SPANXN1: variants seen among roughly 807,000 people sequenced by gnomAD.
The protein encoded by SPANXN1 is SPANX family member N1.
Under a neutral mutation model 2.0 loss-of-function variants are expected in SPANXN1, and 1 was observed. The ratio of observed to expected loss-of-function variants is 0.50; its 90% confidence interval spans 0.18 to 2.36. SPANXN1 has a LOEUF of 2.36. SPANXN1 is among the 30% of genes most tolerant of loss of function. The probability of loss-of-function intolerance (pLI) is 0.26; values close to 1 mark genes in which losing one functional copy is unlikely to be tolerated. For missense variants in SPANXN1, 55 were observed against 51.8 expected, an observed-to-expected ratio of 1.06 and a Z score of -0.19; for synonymous variants, 27 against 21.3, an observed-to-expected ratio of 1.27 and a Z score of -0.74.
At chrX:145,251,525 G>A (rs1200298584) in intron 1 of SPANXN1, among the ~76,000 whole-genome samples, 3 of 111,669 alleles carry the variant, frequency 2.7e-5, no homozygotes, top group Non-Finnish European at 5.6e-5. Context: ...GTTGTTTTGA[G>A]AGATGTGCAA....
rs370324174 is a variant in SPANXN1, at chrX:145,255,685, A to G, written c.90A>G (p.Pro30=). 4.1e-5 allele frequency: 50 copies of G among 1,210,371 alleles called. No homozygotes were observed. The highest frequency in any genetic ancestry group is 1.9e-4 in the South Asian group (11 of 56,844). ...TTTCTTAACAGATGCAGGAGACACCAAACAGGGACTTAGCCCCCGAACCGA... is the reference window on the plus strand; with the variant it reads ...TTTCTTAACAGATGCAGGAGACACCGAACAGGGACTTAGCCCCCGAACCGA... ...NNENDEMQET[P]NRDLAPEPSL... is the part of the protein sequence containing the mutation. The change falls in exon 2 of 2, where the codon CCA becomes CCG. Residue 30 remains proline (P), a synonymous_variant. Transcript: ENST00000370493.
chrX:145,249,154 T>C (rs1325706722), intron 1 of SPANXN1, among the ~76,000 whole-genome samples: 2 of 110,775 alleles, frequency 1.8e-5, no homozygotes, highest in East Asian at 2.8e-4. Flanking sequence ...CGACCAGGTT[T>C]ATGTGGCCAG....
intron 1 of SPANXN1, among the ~76,000 whole-genome samples, chrX:145,255,226 A>C (rs1193671699): frequency 6.3e-5 from 7 of 111,827 alleles, no homozygotes; most frequent in Non-Finnish European, 7.5e-5. Context: ...GCTTGCTGCC[A>C]GGCAGGATAT....
rs1389336412 is a variant in SPANXN1 at position 145,256,189 on chromosome X, G to C, written c.*375G>C. 1.1e-5 allele frequency: 4 copies of C among 350,212 alleles called. No homozygotes were observed. Among genetic ancestry groups the C allele is most frequent in the Non-Finnish European group, 2.0e-5 (4 of 198,242 alleles). The allele number at this position is 350,212 out of a possible 1,213,427, so 28.9% of individuals were successfully genotyped here. On this transcript the variant is annotated 3_prime_UTR_variant, in exon 2 of 2. Transcript: ENST00000370493. ...CAGAAATTCTCCAAGGAAGGAGCCA[G>C]ATAAATAAATATTCTGATTTCATTT...
chrX:145,249,186 C>T (rs1190137789), intron 1 of SPANXN1, among the ~76,000 whole-genome samples: 5 of 109,806 alleles, frequency 4.6e-5, no homozygotes, highest in Non-Finnish European at 9.5e-5. Flanking sequence ...GGGATGTGAA[C>T]TGCTGGATTT....
Position 145,255,753 on chromosome X carries a change from C to T in SPANXN1, c.158C>T (p.Ala53Val), listed in dbSNP as rs781875481. Residue 53 changes from alanine to valine, a missense_variant, in exon 2 of 2, where the codon GCG becomes GTG. Transcript: ENST00000370493. ...ACGTCAGAATATTCAACAGTATTAG[C>T]GTTTTGCTACAGGAAAGCTAAGAAA... Reference protein sequence around the residue: ...MKTSEYSTVLAFCYRKAKKIH... With the variant: ...MKTSEYSTVLVFCYRKAKKIH... The T allele has an allele frequency of 2.7e-5, 33 of 1,210,639 alleles. No individual in the cohort carries two copies. The highest frequency in any genetic ancestry group is 5.2e-5 in the African/African-American group (3 of 57,314).
intron 1 of SPANXN1, among the ~76,000 whole-genome samples, chrX:145,253,467 G>T (rs1383825789): frequency 2.7e-5 from 3 of 110,932 alleles, no homozygotes; most frequent in African/African-American, 9.9e-5. Flanking sequence ...GGGGCTGACT[G>T]GGAGATAAAG....
At position 145,247,517 on chromosome X, in the gene SPANXN1, C is replaced by T; in HGVS notation, c.-70C>T. 4.6e-6 allele frequency: 5 copies of T among 1,087,320 alleles called. No individual in the cohort carries two copies. Among genetic ancestry groups the T allele is most frequent in the Non-Finnish European group, 6.4e-6 (5 of 783,901 alleles). The allele number at this position is 1,087,320 out of a possible 1,213,427, so 89.6% of individuals were successfully genotyped here. ...AGCTCTGGGACATCCTCCTGGGAAG[C>T]TTCAATACAGCTGTGCAAGTCTGGA... On this transcript the variant is annotated 5_prime_UTR_variant, in exon 1 of 2. Transcript: ENST00000370493.
At chrX:145,252,170 C>G (rs782657678) in intron 1 of SPANXN1, among the ~76,000 whole-genome samples, 190 of 111,522 alleles carry the variant, frequency 1.7e-3, no homozygotes, top group African/African-American at 6.0e-3. Context: ...ATCCTGGAAC[C>G]CCTGTGGGAG....
chrX:145,252,912 T>C (rs141230662), intron 1 of SPANXN1, among the ~76,000 whole-genome samples: 158 of 110,426 alleles, frequency 1.4e-3, no homozygotes, highest in African/African-American at 4.9e-3. Flanking sequence ...ACAATAGAGA[T>C]TGAAAAACGG....
At chrX:145,248,843 G>T (rs1439841526) in intron 1 of SPANXN1, among the ~76,000 whole-genome samples, 4 of 111,783 alleles carry the variant, frequency 3.6e-5, no homozygotes. Context: ...TCCTTACAGG[G>T]CAGAAGGATA....
In SPANXN1 at chrX:145,255,691, G is replaced by C. The variant is rs782341082; in HGVS notation, c.96G>C (p.Arg32Ser). The change falls in exon 2 of 2, where the codon AGG (arginine) becomes AGC (serine). Residue 32 changes from arginine to serine, a missense_variant. Physicochemically the swap from Arg to Ser is moderately radical, Grantham distance 110. Coordinates refer to ENST00000370493, the MANE Select transcript of SPANXN1 (RefSeq NM_001009614.3). ...AACAGATGCAGGAGACACCAAACAG[G>C]GACTTAGCCCCCGAACCGAGTTTGA... is the stretch of plus-strand genomic sequence containing the variant. Reference protein sequence around the residue: ...ENDEMQETPNRDLAPEPSLKK... With the variant: ...ENDEMQETPNSDLAPEPSLKK... 2.5e-6 allele frequency: 3 copies of C among 1,211,654 alleles called. No individual in the cohort carries two copies. Among genetic ancestry groups the C allele is most frequent in the Non-Finnish European group, 3.4e-6 (3 of 895,501 alleles).
At chrX:145,252,452 G>T (rs112375266) in intron 1 of SPANXN1, among the ~76,000 whole-genome samples, 1,918 of 111,013 alleles carry the variant, frequency 0.017, 32 homozygotes, top group African/African-American at 0.059. Context: ...CAGAATAGGG[G>T]TGTTGTGGGG....
At chrX:145,250,702 A>G (rs1344016832) in intron 1 of SPANXN1, among the ~76,000 whole-genome samples, 4 of 111,318 alleles carry the variant, frequency 3.6e-5, no homozygotes, top group Non-Finnish European at 7.5e-5. Context: ...TGCTGGAAAA[A>G]AATGAGCAAT....
chrX:145,253,253 G>A (rs1332041525), intron 1 of SPANXN1, among the ~76,000 whole-genome samples: 8 of 110,897 alleles, frequency 7.2e-5, no homozygotes, highest in African/African-American at 1.6e-4. Flanking sequence ...GTTGACTGTC[G>A]CCAAGTTGAG....
At chrX:145,249,397 C>A (rs2070776012) in intron 1 of SPANXN1, among the ~76,000 whole-genome samples, 1 of 110,701 alleles carries the variant, frequency 9.0e-6, no homozygotes, top group Non-Finnish European at 1.9e-5. Context: ...TAAAGTCATA[C>A]CTCCTGCGTT....
chrX:145,251,832 A>G (rs1382881336), intron 1 of SPANXN1, among the ~76,000 whole-genome samples: 1 of 110,987 alleles, frequency 9.0e-6, no homozygotes, highest in African/African-American at 3.3e-5. Flanking sequence ...TCATGGCCAA[A>G]AGTATCCCAC....
In SPANXN1 at chrX:145,250,771, C is replaced by T. The variant is rs150228969; in HGVS notation, c.75+3110C>T. Among the ~76,000 whole-genome samples, 394 of 111,440 alleles carry T rather than the reference C, an allele frequency of 3.5e-3. 1 individual carries two copies. Among genetic ancestry groups the T allele is most frequent in the African/African-American group, 0.012 (368 of 30,634 alleles). ...GCCAAATTTATTGAAAGGTTTTTCT[C>T]GGTTTTGGCATCTGTAACCTTTCGG... is the stretch of plus-strand genomic sequence containing the variant. On this transcript the variant is annotated intron_variant, in intron 1 of 1. Transcript: ENST00000370493.
intron 1 of SPANXN1, among the ~76,000 whole-genome samples, chrX:145,250,415 G>A (rs1327784301): frequency 2.7e-5 from 3 of 111,153 alleles, no homozygotes; most frequent in Middle Eastern, 4.7e-3. Flanking sequence ...GAAAGGAGGT[G>A]GTTTGATAGC....
Sources: gnomAD v4.1 joint callset for allele counts (sites outside exome capture counted in the v4.1 genomes callset) on GRCh38, gnomAD v4.1.1 for gene constraint, MANE v1.5 for transcripts, NCBI Gene and HGNC (gene_info 2026-07-23, HGNC 2026-07-21) for gene names.